EFHC2: variants seen among roughly 807,000 people sequenced by gnomAD.
EFHC2 encodes the protein EF-hand domain-containing family member C2.
EFHC2 carries 18 observed loss-of-function variants against 52.7 expected under a neutral mutation model. That is an observed-to-expected ratio of 0.34 (90% CI 0.24 to 0.51). EFHC2 has a LOEUF of 0.51. Among genes scored for constraint, EFHC2 ranks in the 20% least tolerant of loss-of-function variants. The pLI is 0.97. For synonymous variants in EFHC2, 203 were observed against 204.1 expected (o/e 0.99, Z 0.04); for missense variants, 513 against 562.5 (o/e 0.91, Z 0.89).
intron 11 of EFHC2, among the ~76,000 whole-genome samples, chrX:44,212,495 G>A (rs1270445035): frequency 9.1e-6 from 1 of 110,165 alleles, no homozygotes; most frequent in African/African-American, 3.3e-5. Context: ...CATCCACATG[G>A]GGGAAGGGAA....
chrX:44,254,315 T>C (rs1376919003), intron 4 of EFHC2, among the ~76,000 whole-genome samples: 1 of 111,657 alleles, frequency 9.0e-6, no homozygotes, highest in African/African-American at 3.3e-5. Flanking sequence ...GGGTAATAAC[T>C]AACTCCTCTG....
chrX:44,180,833 G>A (rs2036829123), intron 11 of EFHC2, among the ~76,000 whole-genome samples: 1 of 109,743 alleles, frequency 9.1e-6, no homozygotes, highest in Admixed American at 9.7e-5. Context: ...GGGAGGCTGA[G>A]GTAGGATTGC....
At position 44,179,842 on chromosome X, in the gene EFHC2, T is replaced by C. The variant is rs181674768; in HGVS notation, c.1752-1278A>G. ...TATCTATTTGCACTGTCCAAGCATA[T>C]AGATGATCTTTCAAAGCCACAAACT... On this transcript the variant is annotated intron_variant, in intron 11 of 14. Coordinates refer to ENST00000420999, the MANE Select transcript of EFHC2 (RefSeq NM_025184.4). Among the ~76,000 whole-genome samples, 134 of 112,181 alleles carry C rather than the reference T, an allele frequency of 1.2e-3. No homozygotes were observed. The South Asian group carries it at 0.024, about 20-fold the overall frequency.
At chrX:44,309,913 C>T in intron 2 of EFHC2, 1 of 1,053,907 alleles carries the variant, frequency 9.5e-7, no homozygotes, top group Non-Finnish European at 1.3e-6. Context: ...AATTCCCTTT[C>T]TTTGGGATCT....
At chrX:44,222,251 A>C (rs1487527039) in intron 11 of EFHC2, among the ~76,000 whole-genome samples, 1 of 111,264 alleles carries the variant, frequency 9.0e-6, no homozygotes, top group East Asian at 2.8e-4. Flanking sequence ...GTGAGACAAT[A>C]AGGACTTGTA....
At chrX:44,278,138 G>A (rs920116973) in intron 2 of EFHC2, among the ~76,000 whole-genome samples, 1 of 112,235 alleles carries the variant, frequency 8.9e-6, no homozygotes, top group African/African-American at 3.2e-5. Flanking sequence ...ACTTTGGGAG[G>A]CCAAGGTGAG....
intron 14 of EFHC2, among the ~76,000 whole-genome samples, chrX:44,160,339 T>C (rs1164468048): frequency 9.2e-6 from 1 of 108,856 alleles, no homozygotes; most frequent in Non-Finnish European, 1.9e-5. Flanking sequence ...TGGTGGGGAA[T>C]GAGAAAAAGG....
intron 1 of EFHC2, among the ~76,000 whole-genome samples, chrX:44,319,966 G>A (rs978100853): frequency 1.8e-5 from 2 of 108,952 alleles, no homozygotes; most frequent in East Asian, 2.8e-4. Flanking sequence ...TTTATGAGAC[G>A]GAGTCTCACT....
chrX:44,247,587 T>G (rs2037409845), intron 7 of EFHC2, among the ~76,000 whole-genome samples: 1 of 111,395 alleles, frequency 9.0e-6, no homozygotes, highest in South Asian at 3.8e-4. Flanking sequence ...TGAGGGTTTA[T>G]GCTTTAGGTT....
At chrX:44,274,553 G>A (rs1033227405) in intron 2 of EFHC2, among the ~76,000 whole-genome samples, 2 of 111,619 alleles carry the variant, frequency 1.8e-5, no homozygotes, top group African/African-American at 6.5e-5. Context: ...ATTAGACACT[G>A]AGTTGTGTTG....
intron 2 of EFHC2, among the ~76,000 whole-genome samples, chrX:44,311,176 C>G (rs539510959): frequency 9.0e-6 from 1 of 111,529 alleles, no homozygotes; most frequent in African/African-American, 3.3e-5. Context: ...GAGCCAGGTA[C>G]TGAAAATAAT....
At chrX:44,279,666 G>A (rs976818035) in intron 2 of EFHC2, among the ~76,000 whole-genome samples, 3 of 110,464 alleles carry the variant, frequency 2.7e-5, no homozygotes, top group Admixed American at 9.7e-5. Flanking sequence ...TGTAAGAACC[G>A]TGACTTATCA....
chrX:44,231,955 C>A (rs2037281510), intron 10 of EFHC2, among the ~76,000 whole-genome samples: 1 of 111,600 alleles, frequency 9.0e-6, no homozygotes, highest in Admixed American at 9.4e-5. Flanking sequence ...AAAAAAAACT[C>A]TTTGAGCTCA....
At chrX:44,209,019 CTGTGTG>C (rs753101565) in intron 11 of EFHC2, among the ~76,000 whole-genome samples, 4,368 of 69,579 alleles carry the variant, frequency 0.063, 222 homozygotes, top group Non-Finnish European at 0.079. Context: ...GATTGGCAAT[CTGTGTG>C]TGTGTGTGTG....
intron 2 of EFHC2, among the ~76,000 whole-genome samples, chrX:44,290,794 A>G (rs2037787570): frequency 8.9e-6 from 1 of 111,979 alleles, no homozygotes; most frequent in African/African-American, 3.2e-5. Context: ...AGTCCTTTGT[A>G]TGCCGTTGCC....
intron 13 of EFHC2, among the ~76,000 whole-genome samples, chrX:44,172,941 A>G (rs764786512): frequency 1.8e-5 from 2 of 111,869 alleles, no homozygotes; most frequent in Admixed American, 1.9e-4. Flanking sequence ...CAGCTCCCAC[A>G]GCACAAACTG....
At chrX:44,273,241 T>C (rs1416510604) in intron 2 of EFHC2, among the ~76,000 whole-genome samples, 1 of 112,489 alleles carries the variant, frequency 8.9e-6, no homozygotes, top group Non-Finnish European at 1.9e-5. Context: ...GCTGCCTTGG[T>C]TCTGGCATAA....
chrX:44,252,133 A>C (rs2037456223), intron 4 of EFHC2, among the ~76,000 whole-genome samples: 2 of 111,526 alleles, frequency 1.8e-5, no homozygotes, highest in African/African-American at 6.5e-5. Context: ...GAAGGTCTTA[A>C]GGTCTGCAGA....
chrX:44,265,317 G>A (rs1328369645), intron 3 of EFHC2, among the ~76,000 whole-genome samples: 1 of 110,537 alleles, frequency 9.0e-6, no homozygotes, highest in Non-Finnish European at 1.9e-5. Context: ...CATTGCCCAG[G>A]CTACAGTGCA....
Sources: gnomAD v4.1 joint callset for allele counts (sites outside exome capture counted in the v4.1 genomes callset) on GRCh38, gnomAD v4.1.1 for gene constraint, MANE v1.5 for transcripts, NCBI Gene and HGNC (gene_info 2026-07-23, HGNC 2026-07-21) for gene names.